Variants in PTPRZ1 observed in about 807,000 individuals in gnomAD.
The protein encoded by PTPRZ1 is protein tyrosine phosphatase receptor type Z1, also known as receptor-type tyrosine-protein phosphatase zeta.
A neutral mutation model predicts 214.1 loss-of-function variants in PTPRZ1; 82 were observed. The observed-to-expected ratio is 0.38, with a 90% CI of 0.32 to 0.46. The LOEUF is 0.46. Ranked by LOEUF, PTPRZ1 falls within the 20% of genes least tolerant of loss-of-function variation. PTPRZ1 has a pLI of 1.00. For missense variants in PTPRZ1, 2,603 were observed against 2,748.7 expected, an observed-to-expected ratio of 0.95 and a Z score of 1.19; for synonymous variants, 945 against 987.9, an observed-to-expected ratio of 0.96 and a Z score of 0.81.
chr7:121,962,724 C>G (rs1358511622), intron 2 of PTPRZ1, among the ~76,000 whole-genome samples: 1 of 151,506 alleles, frequency 6.6e-6, no homozygotes, highest in Non-Finnish European at 1.5e-5. Context: ...ATCACCATAC[C>G]CAGCTAATTT....
chr7:122,018,604 A>G (rs1798916854), intron 12 of PTPRZ1, among the ~76,000 whole-genome samples: 2 of 152,120 alleles, frequency 1.3e-5, no homozygotes, highest in Non-Finnish European at 2.9e-5. Flanking sequence ...GAAATCGATT[A>G]CTGGATTGAA....
Position 122,010,818 on chromosome 7 carries a change from C to T in PTPRZ1, c.1772C>T (p.Pro591Leu), listed in dbSNP as rs140937221. 3.6e-5 allele frequency: 58 copies of T among 1,613,932 alleles called. No homozygotes were observed. The highest frequency in any genetic ancestry group is 4.2e-5 in the Non-Finnish European group (49 of 1,179,998). The stretch of plus-strand genomic sequence containing the variant: ...GCTGAAGATTCTTCAGGCTCCAGTC[C>T]CGCAACTTCTGCTATCCCATTCATC... ...TGAEDSSGSS[P>L]ATSAIPFISE... is the part of the protein sequence containing the mutation. The change falls in exon 12 of 30, where the codon CCC becomes CTC. Residue 591 changes from proline (P) to leucine (L), a missense_variant. Physicochemically the swap from Pro to Leu is moderately conservative, Grantham distance 98 (BLOSUM62 -3). Around this residue, in one of 6 missense-constraint regions of PTPRZ1, gnomAD observed 1,913 missense variants for 1,914.3 expected, o/e 1.00. Coordinates refer to ENST00000393386, the MANE Select transcript of PTPRZ1 (RefSeq NM_002851.3).
chr7:122,055,986 A>G (rs1388189432), intron 27 of PTPRZ1, among the ~76,000 whole-genome samples: 1 of 151,924 alleles, frequency 6.6e-6, no homozygotes, highest in Non-Finnish European at 1.5e-5. Flanking sequence ...GCAGTGGAAT[A>G]GTATCCTATC....
intron 1 of PTPRZ1, among the ~76,000 whole-genome samples, chr7:121,878,361 A>C (rs886445791): frequency 6.6e-6 from 1 of 152,318 alleles, no homozygotes; most frequent in East Asian, 1.9e-4. Context: ...ACAACAAAAA[A>C]CGCTGGTAAA....
At chr7:122,044,035 G>C (rs1205685762) in intron 22 of PTPRZ1, among the ~76,000 whole-genome samples, 4 of 152,174 alleles carry the variant, frequency 2.6e-5, no homozygotes, top group African/African-American at 7.2e-5. Context: ...CAAGCGAAAA[G>C]GAGAGTTGGC....
chr7:122,050,863 A>T (rs989690698), intron 23 of PTPRZ1, among the ~76,000 whole-genome samples: 5 of 152,160 alleles, frequency 3.3e-5, no homozygotes, highest in African/African-American at 4.8e-5. Context: ...GAATAACTGA[A>T]TACTCCTAAT....
chr7:122,013,357 A>G lies in PTPRZ1; in HGVS notation c.4311A>G (p.Leu1437=). ...DDDDDRGSDG[L]SIHKCMSCSS... is the part of the protein sequence containing the mutation. Reference sequence around the variant, plus strand: ...ATGATGACAGAGGTAGTGATGGCTTATCCATTCATAAGTGTATGTCATGCT... The same window carrying G: ...ATGATGACAGAGGTAGTGATGGCTTGTCCATTCATAAGTGTATGTCATGCT... The change falls in exon 12 of 30, where the codon TTA becomes TTG. Residue 1437 remains leucine (L), a synonymous_variant. Transcript: ENST00000393386. 6.2e-7 allele frequency: 1 copy of G among 1,614,146 alleles called. No homozygotes were observed. The highest frequency in any genetic ancestry group is 8.5e-7 in the Non-Finnish European group (1 of 1,180,020).
intron 18 of PTPRZ1, among the ~76,000 whole-genome samples, chr7:122,036,901 G>C (rs954627195): frequency 6.6e-6 from 1 of 152,196 alleles, no homozygotes; most frequent in South Asian, 2.1e-4. Flanking sequence ...TATCTCCTGA[G>C]TGAGGAAAGG....
chr7:122,042,211 C>A (rs1362694058), intron 21 of PTPRZ1, among the ~76,000 whole-genome samples: 1 of 152,106 alleles, frequency 6.6e-6, no homozygotes, highest in Non-Finnish European at 1.5e-5. Flanking sequence ...GACCTAGGGA[C>A]TTTTTCTTTT....
At chr7:121,998,086 T>C (rs1798202125) in intron 10 of PTPRZ1, 80 bp downstream of exon 10, 3 of 1,447,708 alleles carry the variant, frequency 2.1e-6, no homozygotes, top group Non-Finnish European at 2.8e-6. Flanking sequence ...ATGCTTTCTC[T>C]CTATATTCTT....
intron 1 of PTPRZ1, among the ~76,000 whole-genome samples, chr7:121,886,576 T>C (rs1289830081): frequency 2.6e-5 from 4 of 152,068 alleles, no homozygotes; most frequent in Non-Finnish European, 4.4e-5. Flanking sequence ...ATATATACTG[T>C]TCAATAAACA....
intron 2 of PTPRZ1, among the ~76,000 whole-genome samples, chr7:121,958,689 C>T (rs545655509): frequency 9.8e-5 from 15 of 152,320 alleles, no homozygotes; most frequent in Non-Finnish European, 2.1e-4. Flanking sequence ...TCTCTACCAA[C>T]GTGACTGGTA....
rs117792913 is a variant in PTPRZ1 at position 122,005,028 on chromosome 7, A to G, written c.1287+368A>G. Among the ~76,000 whole-genome samples, 675 of 152,142 alleles carry G rather than the reference A, an allele frequency of 4.4e-3. 3 individuals are homozygous for G. The highest frequency in any genetic ancestry group is 6.4e-3 in the Non-Finnish European group (432 of 67,940). On this transcript the variant is annotated intron_variant, in intron 11 of 29. Coordinates refer to ENST00000393386, the MANE Select transcript of PTPRZ1 (RefSeq NM_002851.3). ...ATATTTAACCAGTTCTTAACATTCTACAGTTTATATATAAATAACCAACGA... is the reference window on the plus strand; with the variant it reads ...ATATTTAACCAGTTCTTAACATTCTGCAGTTTATATATAAATAACCAACGA...
At chr7:121,995,101 A>G (rs1327625532) in intron 8 of PTPRZ1, among the ~76,000 whole-genome samples, 1 of 152,158 alleles carries the variant, frequency 6.6e-6, no homozygotes, top group Non-Finnish European at 1.5e-5. Flanking sequence ...ACTAAGTATT[A>G]TATGTAAAAT....
chr7:122,036,457 T>A, intron 17 of PTPRZ1, 143 bp from the exon 18 acceptor site: 1 of 618,310 alleles, frequency 1.6e-6, no homozygotes, highest in Non-Finnish European at 2.8e-6. Flanking sequence ...TTGCTGTCTC[T>A]GTATCCCCAA....
chr7:122,011,026 A>G lies in PTPRZ1; in HGVS notation c.1980A>G (p.Ile660Met), dbSNP rs1798643655. 6.2e-7 allele frequency: 1 copy of G among 1,614,138 alleles called. No homozygotes were observed. The change falls in exon 12 of 30, where the codon ATA becomes ATG. Residue 660 changes from isoleucine to methionine, a missense_variant. Ile to Met is a conservative substitution (Grantham distance 10, BLOSUM62 1). Coordinates refer to ENST00000393386, the MANE Select transcript of PTPRZ1 (RefSeq NM_002851.3). ...GNVWFPSSTDITAQPDVGSGR... is the reference protein window; with the variant it reads ...GNVWFPSSTDMTAQPDVGSGR... ...TGTGGTTTCCTAGCTCTACAGACAT[A>G]ACAGCACAGCCCGATGTTGGATCAG...
intron 27 of PTPRZ1, among the ~76,000 whole-genome samples, chr7:122,055,736 A>C (rs936102001): frequency 1.3e-5 from 2 of 151,944 alleles, no homozygotes; most frequent in African/African-American, 2.4e-5. Context: ...TTTACATAGA[A>C]CTATAGTAAA....
chr7:121,946,199 A>G (rs1338423742), intron 2 of PTPRZ1, among the ~76,000 whole-genome samples: 2 of 152,244 alleles, frequency 1.3e-5, no homozygotes. Context: ...GATTGCCTGT[A>G]AAAACCTAAG....
intron 2 of PTPRZ1, among the ~76,000 whole-genome samples, chr7:121,930,924 C>T (rs907879145): frequency 1.3e-5 from 2 of 152,020 alleles, no homozygotes; most frequent in African/African-American, 4.8e-5. Context: ...CATCCCTAAC[C>T]ATGGAAGATG....
Sources: allele counts gnomAD v4.1 joint callset (sites outside exome capture counted in the v4.1 genomes callset), GRCh38; gene constraint gnomAD v4.1.1; regional missense constraint gnomAD v4.1.1; transcripts MANE v1.5; gene names NCBI Gene and HGNC (gene_info 2026-07-23, HGNC 2026-07-21).